The following HECW2 variants were observed in gnomAD, a reference collection of about 807,000 sequenced individuals.
HECW2 encodes HECT, C2 and WW domain containing E3 ubiquitin protein ligase 2.
In HECW2, 61 loss-of-function variants were observed where a neutral mutation model predicts 175.2. That is an observed-to-expected ratio of 0.35 (90% CI 0.28 to 0.43). The LOEUF (loss-of-function observed/expected upper bound fraction) is 0.43, where lower values mean the gene tolerates loss of function less well. Among genes scored for constraint, HECW2 ranks in the 20% least tolerant of loss-of-function variants. HECW2 has a pLI of 1.00. For synonymous variants in HECW2, 671 were observed against 731.0 expected, an observed-to-expected ratio of 0.92 and a Z score of 1.32; for missense variants, 1,524 against 2,000.5, an observed-to-expected ratio of 0.76 and a Z score of 4.54.
chr2:196,530,257 C>A (rs1688797970), intron 1 of HECW2, among the ~76,000 whole-genome samples: 1 of 152,102 alleles, frequency 6.6e-6, no homozygotes, highest in African/African-American at 2.4e-5. Flanking sequence ...ACTTTGCAAC[C>A]CTCATTAAAT....
intron 14 of HECW2, among the ~76,000 whole-genome samples, chr2:196,281,356 G>C (rs1690176155): frequency 6.6e-6 from 1 of 152,006 alleles, no homozygotes; most frequent in Non-Finnish European, 1.5e-5. Flanking sequence ...CATGTTCTTG[G>C]GCCAGGCGCG....
chr2:196,207,256 T>A (rs1184092447), intron 28 of HECW2, among the ~76,000 whole-genome samples: 1 of 152,164 alleles, frequency 6.6e-6, no homozygotes, highest in Non-Finnish European at 1.5e-5. Context: ...GAGGGACAGA[T>A]GATGAATTCA....
intron 1 of HECW2, among the ~76,000 whole-genome samples, chr2:196,527,128 A>C (rs1458592082): frequency 2.0e-5 from 3 of 152,174 alleles, no homozygotes; most frequent in African/African-American, 7.2e-5. Flanking sequence ...GCAATCAGCG[A>C]GACTCCGTGA....
chr2:196,571,827 T>A (rs1307502347), intron 1 of HECW2, among the ~76,000 whole-genome samples: 1 of 152,202 alleles, frequency 6.6e-6, no homozygotes, highest in Non-Finnish European at 1.5e-5. Flanking sequence ...GAGATGTTTG[T>A]ACACCTATGT....
chr2:196,314,908 C>T (rs1435933893), intron 10 of HECW2, among the ~76,000 whole-genome samples: 2 of 151,654 alleles, frequency 1.3e-5, no homozygotes, highest in Non-Finnish European at 2.9e-5. Flanking sequence ...AGACGCATGA[C>T]CAGAGGTGGT....
At chr2:196,225,265 A>G (rs1687810823) in intron 23 of HECW2, among the ~76,000 whole-genome samples, 1 of 152,256 alleles carries the variant, frequency 6.6e-6, no homozygotes, top group Non-Finnish European at 1.5e-5. Context: ...AAAGTTTAAG[A>G]AACATATGGC....
At chr2:196,577,446 T>G (rs897174388) in intron 1 of HECW2, among the ~76,000 whole-genome samples, 1 of 152,162 alleles carries the variant, frequency 6.6e-6, no homozygotes, top group Non-Finnish European at 1.5e-5. Flanking sequence ...AAGGATCTAT[T>G]AGACCTGATG....
Position 196,336,096 on chromosome 2 carries a change from C to A in HECW2, c.401-1578G>T, listed in dbSNP as rs192296003. On this transcript the variant is annotated intron_variant, in intron 3 of 28. Coordinates refer to ENST00000644978, the MANE Select transcript of HECW2 (RefSeq NM_001348768.2). ...GGGGCTAGAGAGAGTTAAGGAGTGG[C>A]AAAAGCAGGGAGGCACAGATGAAGC... Among the ~76,000 whole-genome samples the A allele has an allele frequency of 1.6e-4, 24 of 152,210 alleles. No individual in the cohort carries two copies. In the East Asian group the frequency reaches 3.3e-3, roughly 21 times the overall value.
intron 1 of HECW2, among the ~76,000 whole-genome samples, chr2:196,532,832 G>A (rs1575645430): frequency 6.6e-6 from 1 of 152,064 alleles, no homozygotes; most frequent in Non-Finnish European, 1.5e-5. Context: ...GCAAAGAGGT[G>A]GGGAAAAGAG....
At chr2:196,408,659 CT>C (rs1385250840) in intron 2 of HECW2, among the ~76,000 whole-genome samples, 1 of 152,192 alleles carries the variant, frequency 6.6e-6, no homozygotes, top group East Asian at 1.9e-4. Flanking sequence ...GAAGTAGAAA[CT>C]TTATGAACAG....
At chr2:196,252,322 T>C (rs980630664) in intron 19 of HECW2, among the ~76,000 whole-genome samples, 9 of 152,070 alleles carry the variant, frequency 5.9e-5, no homozygotes, top group Non-Finnish European at 1.3e-4. Flanking sequence ...CTACACTACT[T>C]TCATGCTTCT....
intron 3 of HECW2, 130 bp downstream of exon 3, chr2:196,343,527 T>C: frequency 3.1e-6 from 2 of 644,442 alleles, no homozygotes; most frequent in East Asian, 5.3e-5. Flanking sequence ...ACAATATATT[T>C]TCCATCATGG....
intron 4 of HECW2, among the ~76,000 whole-genome samples, chr2:196,332,003 C>T (rs10166118): frequency 0.73 from 111,633 of 152,100 alleles, 42,610 homozygotes; most frequent in East Asian, 0.97. Flanking sequence ...TCCCTGAAGC[C>T]GAAAGATTTC....
chr2:196,472,906 C>G (rs573324110), intron 1 of HECW2, among the ~76,000 whole-genome samples: 1 of 152,198 alleles, frequency 6.6e-6, no homozygotes, highest in Non-Finnish European at 1.5e-5. Context: ...CGGGCCGGAG[C>G]CACCGCACTC....
chr2:196,395,086 C>G (rs1694622552), intron 2 of HECW2, among the ~76,000 whole-genome samples: 1 of 152,102 alleles, frequency 6.6e-6, no homozygotes, highest in Non-Finnish European at 1.5e-5. Context: ...ATGACCTCAT[C>G]ACCTCTCAAA....
intron 26 of HECW2, 105 bp downstream of exon 26, chr2:196,219,934 T>G: frequency 1.4e-6 from 1 of 714,114 alleles, no homozygotes; most frequent in Non-Finnish European, 2.5e-6. Context: ...GACCTATGAT[T>G]AGAGTCCAAG....
rs16849585 is a variant in HECW2, at chr2:196,324,429, G to A, written c.741+551C>T. Among the ~76,000 whole-genome samples, 1,041 of 152,156 alleles carry A rather than the reference G, an allele frequency of 6.8e-3. 16 individuals carry two copies. The highest frequency in any genetic ancestry group is 0.024 in the African/African-American group (997 of 41,506). On this transcript the variant is annotated intron_variant, in intron 6 of 28. Transcript: ENST00000644978. ...TCTAAAATACCATCAACACAATCTG[G>A]CTTCACTCAGGATGATGACTCCTTG...
intron 1 of HECW2, among the ~76,000 whole-genome samples, chr2:196,438,711 C>G (rs796097125): frequency 1.3e-5 from 2 of 152,186 alleles, no homozygotes; most frequent in South Asian, 4.1e-4. Flanking sequence ...CACAAAGATG[C>G]TTTTTGAGCC....
intron 28 of HECW2, 54 bp from the exon 29 acceptor site, chr2:196,201,442 TGTGTGTG>T: frequency 9.7e-7 from 1 of 1,030,366 alleles, no homozygotes. Context: ...GAAATGAAAA[TGTGTGTG>T]GTGTGTGTGT....
Sources: gnomAD v4.1 joint callset for allele counts (sites outside exome capture counted in the v4.1 genomes callset) on GRCh38, gnomAD v4.1.1 for gene constraint, MANE v1.5 for transcripts, NCBI Gene and HGNC (gene_info 2026-07-23, HGNC 2026-07-21) for gene names.